Variants in MISFA observed in about 807,000 individuals in gnomAD.
MISFA encodes the protein mitochondrial sheath formation associated.
At chr11:18,604,553 C>T in the MISFA span, among the ~76,000 whole-genome samples, 1 of 151,016 alleles carries the variant, frequency 6.6e-6, no homozygotes, top group Non-Finnish European at 1.5e-5. Context: ...CCCAGCTACT[C>T]GGGAGGCAGT....
At chr11:18,609,112 TCAG>T in the MISFA span, 13 of 152,328 alleles carry the variant, frequency 8.5e-5, no homozygotes, top group African/African-American at 3.1e-4. Flanking sequence ...TAAAAATCAA[TCAG>T]CACAGTGACC....
chr11:18,609,741 AT>A, the MISFA span: 1 of 794,230 alleles, frequency 1.3e-6, no homozygotes, highest in Non-Finnish European at 2.1e-6. Flanking sequence ...GACAGTATGC[AT>A]TCCTTCTCCT....
chr11:18,609,597 CA>C, the MISFA span: 1 of 461,312 alleles, frequency 2.2e-6, no homozygotes, highest in East Asian at 3.8e-5. Flanking sequence ...GTGCATAGCT[CA>C]TCAGGATCAA....
At chr11:18,609,092 T>A in the MISFA span, 1 of 151,646 alleles carries the variant, frequency 6.6e-6, no homozygotes, top group African/African-American at 2.4e-5. Context: ...TAAAAATGAA[T>A]TTTTTTAGAT....
chr11:18,599,803 A>C, the MISFA span: 2 of 394,170 alleles, frequency 5.1e-6, no homozygotes, highest in African/African-American at 4.1e-5. Flanking sequence ...TTTGGAGCCA[A>C]AGACTCGAAC....
the MISFA span, among the ~76,000 whole-genome samples, chr11:18,606,131 A>G: frequency 6.6e-6 from 1 of 152,208 alleles, no homozygotes; most frequent in African/African-American, 2.4e-5. Context: ...TGAGCCACTA[A>G]AAGATTCCAT....
chr11:18,602,078 A>G, the MISFA span: 1 of 152,078 alleles, frequency 6.6e-6, no homozygotes, highest in Non-Finnish European at 1.5e-5. Flanking sequence ...ATGCGAGCAC[A>G]TTTCTCTGTC....
At chr11:18,607,031 T>G in the MISFA span, 6 of 250,228 alleles carry the variant, frequency 2.4e-5, no homozygotes, top group Non-Finnish European at 4.6e-5. Context: ...CGGCTAATTT[T>G]TTTATTTTTA....
chr11:18,603,740 GCATGACACA>G, the MISFA span: 2 of 398,994 alleles, frequency 5.0e-6, no homozygotes, highest in Non-Finnish European at 8.8e-6. Context: ...CACTAGGCCT[GCATGACACA>G]CACTTTCTTT....
the MISFA span, chr11:18,599,810 G>A: frequency 2.4e-4 from 93 of 393,702 alleles, no homozygotes; most frequent in African/African-American, 1.7e-3. Flanking sequence ...CCAAAGACTC[G>A]AACAGACATG....
At chr11:18,603,311 A>AT in the MISFA span, 1 of 397,064 alleles carries the variant, frequency 2.5e-6, no homozygotes, top group East Asian at 3.6e-5. Flanking sequence ...TACTTTTATT[A>AT]TTTTTTTAAA....
the MISFA span, chr11:18,609,034 A>G: frequency 1.6e-4 from 24 of 152,586 alleles, no homozygotes; most frequent in Middle Eastern, 3.4e-3. Flanking sequence ...TTTATAAACT[A>G]TTACTCTTTC....
chr11:18,607,347 A>G, the MISFA span: 2 of 152,782 alleles, frequency 1.3e-5, no homozygotes, highest in Admixed American at 6.5e-5. Flanking sequence ...ATCAAAAGCA[A>G]GTGGGACTGT....
the MISFA span, chr11:18,603,050 G>T: frequency 1.5e-5 from 6 of 398,470 alleles, no homozygotes; most frequent in South Asian, 2.6e-4. Flanking sequence ...ACGACTCAGG[G>T]AATAGAACAC....
the MISFA span, chr11:18,607,055 C>A: frequency 4.2e-6 from 1 of 238,300 alleles, no homozygotes; most frequent in Non-Finnish European, 8.1e-6. Flanking sequence ...GAGACGGGGT[C>A]TCACACCATG....
At chr11:18,606,617 C>T in the MISFA span, 1 of 359,944 alleles carries the variant, frequency 2.8e-6, no homozygotes, top group Admixed American at 4.9e-5. Flanking sequence ...TAATCATACA[C>T]TAAACGTCTG....
chr11:18,601,944 G>A, the MISFA span: 2 of 156,928 alleles, frequency 1.3e-5, no homozygotes, highest in African/African-American at 4.8e-5. Context: ...TCAAAAATTA[G>A]CATTTAGTAA....
chr11:18,600,772 G>A, the MISFA span, among the ~76,000 whole-genome samples: 2 of 151,986 alleles, frequency 1.3e-5, no homozygotes, highest in African/African-American at 2.4e-5. Context: ...CGCCTGCCTC[G>A]GCTCCCCAAA....
the MISFA span, among the ~76,000 whole-genome samples, chr11:18,606,049 C>T: frequency 9.2e-5 from 14 of 152,092 alleles, no homozygotes; most frequent in Non-Finnish European, 1.8e-4. Context: ...GAGATAGGAC[C>T]CTGCTCATTT....
Sources: allele counts gnomAD v4.1 joint callset (sites outside exome capture counted in the v4.1 genomes callset), GRCh38; gene constraint gnomAD v4.1.1; transcripts MANE v1.5; gene names NCBI Gene and HGNC (gene_info 2026-07-23, HGNC 2026-07-21).